NFATC1: variants seen among roughly 807,000 people sequenced by gnomAD.
NFATC1 encodes nuclear factor of activated T-cells, cytoplasmic 1.
NFATC1 carries 22 observed loss-of-function variants against 76.0 expected under a neutral mutation model. That is an observed-to-expected ratio of 0.29 (90% CI 0.21 to 0.41). The LOEUF (loss-of-function observed/expected upper bound fraction) is 0.41. Ranked by LOEUF, NFATC1 falls within the 10% of genes least tolerant of loss-of-function variation. The pLI is 1.00. For synonymous variants in NFATC1, 704 were observed against 613.1 expected, an observed-to-expected ratio of 1.15 and a Z score of -2.19; for missense variants, 1,357 against 1,337.7, an observed-to-expected ratio of 1.01 and a Z score of -0.23.
chr18:79,408,909 TCATC>T (rs1221563071), intron 1 of NFATC1, among the ~76,000 whole-genome samples: 1 of 146,770 alleles, frequency 6.8e-6, no homozygotes, highest in Non-Finnish European at 1.5e-5. Flanking sequence ...CCATCCATCA[TCATC>T]CATCCATTAT....
intron 2 of NFATC1, among the ~76,000 whole-genome samples, chr18:79,430,158 C>T (rs1600689738): frequency 1.3e-5 from 2 of 152,210 alleles, no homozygotes; most frequent in East Asian, 1.9e-4. Flanking sequence ...TAAAGTGACA[C>T]GTGGCTGCGT....
At chr18:79,414,962 C>T (rs1027035277) in intron 2 of NFATC1, among the ~76,000 whole-genome samples, 2 of 152,196 alleles carry the variant, frequency 1.3e-5, no homozygotes, top group African/African-American at 4.8e-5. Context: ...TTAAAGATTT[C>T]ATATTGACCG....
intron 2 of NFATC1, among the ~76,000 whole-genome samples, chr18:79,418,635 G>GT (rs1460687616): frequency 2.6e-5 from 4 of 152,250 alleles, no homozygotes; most frequent in Admixed American, 6.5e-5. Context: ...GCCTCCGCTG[G>GT]TGAGGGGCTC....
At chr18:79,432,515 C>T (rs1405433190) in intron 2 of NFATC1, among the ~76,000 whole-genome samples, 1 of 152,198 alleles carries the variant, frequency 6.6e-6, no homozygotes, top group East Asian at 1.9e-4. Context: ...ACCGCATCCT[C>T]CGCCTGCCTT....
At chr18:79,464,904 G>A (rs1401405809) in intron 7 of NFATC1, among the ~76,000 whole-genome samples, 5 of 150,976 alleles carry the variant, frequency 3.3e-5, no homozygotes, top group East Asian at 2.0e-4. Flanking sequence ...GGGGCCTCGC[G>A]GTGTTGCCCA....
chr18:79,399,759 C>T (rs1003094923), intron 1 of NFATC1, among the ~76,000 whole-genome samples: 4 of 151,990 alleles, frequency 2.6e-5, no homozygotes, highest in Non-Finnish European at 4.4e-5. Context: ...GCCGGGCCTC[C>T]TGCAGGGGGT....
At chr18:79,412,399 C>T (rs979970696) in intron 2 of NFATC1, among the ~76,000 whole-genome samples, 2 of 151,808 alleles carry the variant, frequency 1.3e-5, no homozygotes, top group Non-Finnish European at 2.9e-5. Context: ...CCACGCGCAG[C>T]CCGGGGTATT....
intron 2 of NFATC1, among the ~76,000 whole-genome samples, chr18:79,412,391 A>G (rs1600628091): frequency 6.6e-6 from 1 of 151,268 alleles, no homozygotes; most frequent in African/African-American, 2.4e-5. Context: ...GGCGTTTGCC[A>G]CGCGCAGCCC....
At chr18:79,447,058 G>A (rs1243903360) in intron 3 of NFATC1, among the ~76,000 whole-genome samples, 2 of 152,150 alleles carry the variant, frequency 1.3e-5, no homozygotes, top group African/African-American at 4.8e-5. Context: ...CCTCGTCCCT[G>A]GAGGGCTCTG....
chr18:79,410,934 G>A lies in NFATC1; in HGVS notation c.659G>A (p.Gly220Asp). Reference sequence around the variant, plus strand: ...CCCAAGACCACGGACCCCGAGGAGGGCTTTCCCCGCGGGCTGGGGGCCTGC... The same window carrying A: ...CCCAAGACCACGGACCCCGAGGAGGACTTTCCCCGCGGGCTGGGGGCCTGC... ...VSPKTTDPEE[G>D]FPRGLGACTL... The change falls in exon 2 of 10, where the codon GGC becomes GAC. Residue 220 changes from glycine to aspartate, a missense_variant. This residue lies in a region of NFATC1 where 691 missense variants were observed against 613.1 expected (regional missense o/e 1.13). Transcript: ENST00000427363. The surrounding 1 kb of genome is among the most constrained non-coding windows in gnomAD (Gnocchi z 6.7). 1 of 1,603,990 alleles carries A rather than the reference G, an allele frequency of 6.2e-7. No homozygotes were observed.
intron 2 of NFATC1, 122 bp from the exon 3 acceptor site, chr18:79,433,457 G>A: frequency 8.5e-7 from 1 of 1,175,232 alleles, no homozygotes. Context: ...CCATCTCCAT[G>A]TCAGGACGTG....
chr18:79,517,514 C>T (rs927012869), intron 9 of NFATC1, among the ~76,000 whole-genome samples: 1 of 152,122 alleles, frequency 6.6e-6, no homozygotes, highest in Non-Finnish European at 1.5e-5. Context: ...GAAAGTGAGG[C>T]GGATGGGGAC....
At position 79,507,885 on chromosome 18, in the gene NFATC1, G is replaced by A. The variant is rs73973406; in HGVS notation, c.2783-19643G>A. Among the ~76,000 whole-genome samples the A allele has an allele frequency of 5.7e-3, 867 of 152,376 alleles. 10 individuals carry two copies. Among genetic ancestry groups the A allele is most frequent in the African/African-American group, 0.019 (776 of 41,592 alleles). On this transcript the variant is annotated intron_variant, in intron 9 of 9. Coordinates refer to ENST00000427363, the MANE Select transcript of NFATC1 (RefSeq NM_001278669.2). ...GAAACACGTCCGTCACGTGGCCACC[G>A]TCCCGCGGGAAGCTGGGGGCCGTCG...
intron 2 of NFATC1, among the ~76,000 whole-genome samples, chr18:79,418,629 C>A (rs1288897245): frequency 6.6e-6 from 1 of 152,232 alleles, no homozygotes; most frequent in African/African-American, 2.4e-5. Context: ...CTGCCAGCCT[C>A]CGCTGGTGAG....
chr18:79,461,993 G>A (rs1030903339), intron 7 of NFATC1, among the ~76,000 whole-genome samples: 3 of 152,234 alleles, frequency 2.0e-5, no homozygotes, highest in Admixed American at 6.5e-5. Context: ...CGTGGCAGAC[G>A]CGTGGCTGGG....
At chr18:79,481,154 C>G (rs1360615219) in intron 8 of NFATC1, among the ~76,000 whole-genome samples, 2 of 152,224 alleles carry the variant, frequency 1.3e-5, no homozygotes, top group Admixed American at 6.5e-5. Flanking sequence ...TCTGGGGCTC[C>G]CCATCGTCTG....
chr18:79,499,357 C>T lies in NFATC1; in HGVS notation c.2782+12420C>T, dbSNP rs529143614. On this transcript the variant is annotated intron_variant, in intron 9 of 9. Transcript: ENST00000427363. ...TATATATGTGTGTGAGTGTGTCACACACACACATAAAATGTCAAAAAATGC... is the reference window on the plus strand; with the variant it reads ...TATATATGTGTGTGAGTGTGTCACATACACACATAAAATGTCAAAAAATGC... Among the ~76,000 whole-genome samples the T allele has an allele frequency of 1.6e-4, 25 of 152,100 alleles. No homozygotes were observed. The East Asian group carries it at 4.8e-3, about 29-fold the overall frequency.
chr18:79,449,100 C>A lies in NFATC1; in HGVS notation c.1589+116C>A, dbSNP rs534944980. The A allele has an allele frequency of 4.7e-4, 467 of 997,756 alleles. 11 individuals are homozygous for A. The South Asian group carries it at 7.4e-3, about 16-fold the overall frequency. The allele number at this position is 997,756 out of a possible 1,614,324, so 61.8% of individuals were successfully genotyped here. ...GCACTTCCAGGCTGCGTGGCCAGGA[C>A]ACTTTTGGTTTAACAGCCAATAAGT... On this transcript the variant is annotated intron_variant, in intron 4 of 9. Coordinates refer to ENST00000427363, the MANE Select transcript of NFATC1 (RefSeq NM_001278669.2).
At position 79,431,264 on chromosome 18, in the gene NFATC1, T is replaced by A. The variant is rs1052150131; in HGVS notation, c.1227-2315T>A. Among the ~76,000 whole-genome samples the A allele has an allele frequency of 2.0e-5, 3 of 152,160 alleles. No individual in the cohort carries two copies. In the East Asian group the frequency reaches 5.8e-4, roughly 29 times the overall value. The stretch of plus-strand genomic sequence containing the variant: ...TGTTCTTGCTAAGGAACATTTTAGG[T>A]GTTTGTATTTTTAAAAATTACGTAG... On this transcript the variant is annotated intron_variant, in intron 2 of 9. Coordinates refer to ENST00000427363, the MANE Select transcript of NFATC1 (RefSeq NM_001278669.2).
Sources: allele counts gnomAD v4.1 joint callset (sites outside exome capture counted in the v4.1 genomes callset), GRCh38; gene constraint gnomAD v4.1.1; regional missense constraint gnomAD v4.1.1; non-coding constraint Gnocchi (gnomAD v3.1); transcripts MANE v1.5; gene names NCBI Gene and HGNC (gene_info 2026-07-23, HGNC 2026-07-21).